The following CSMD3 variants were observed in gnomAD, a reference collection of about 807,000 sequenced individuals.
The protein encoded by CSMD3 is CUB and sushi domain-containing protein 3.
In CSMD3, 177 loss-of-function variants were observed where a neutral mutation model predicts 435.2. That is an observed-to-expected ratio of 0.41 (90% CI 0.36 to 0.46). The LOEUF (loss-of-function observed/expected upper bound fraction) is 0.46, where lower values mean the gene tolerates loss of function less well. CSMD3 is among the 20% of genes least tolerant of loss of function. The pLI, the probability that CSMD3 is intolerant of heterozygous loss-of-function variation, is 0.34. For synonymous variants in CSMD3, 1,656 were observed against 1,520.5 expected, an observed-to-expected ratio of 1.09 and a Z score of -2.07; for missense variants, 4,265 against 4,504.6, an observed-to-expected ratio of 0.95 and a Z score of 1.52.
chr8:112,353,476 T>A (rs1205478763), intron 38 of CSMD3, among the ~76,000 whole-genome samples: 1 of 152,190 alleles, frequency 6.6e-6, no homozygotes, highest in Non-Finnish European at 1.5e-5. Flanking sequence ...ATTTTTCTGA[T>A]AAGGAGATAA....
intron 12 of CSMD3, among the ~76,000 whole-genome samples, chr8:112,811,361 G>A (rs2079222598): frequency 6.6e-6 from 1 of 151,754 alleles, no homozygotes; most frequent in Non-Finnish European, 1.5e-5. Flanking sequence ...AGTTGTAGAT[G>A]CTTTCTTTTT....
intron 37 of CSMD3, among the ~76,000 whole-genome samples, chr8:112,380,883 C>T (rs1235865358): frequency 6.6e-6 from 1 of 152,078 alleles, no homozygotes. Context: ...GAGATTATTA[C>T]TCTGTATTCT....
intron 2 of CSMD3, among the ~76,000 whole-genome samples, chr8:113,286,938 A>G (rs1488058564): frequency 6.6e-6 from 1 of 151,914 alleles, no homozygotes; most frequent in Non-Finnish European, 1.5e-5. Context: ...GTAAAGAATG[A>G]CTGATGAAGA....
chr8:113,019,268 C>T, intron 5 of CSMD3, 89 bp from the exon 6 acceptor site: 2 of 815,034 alleles, frequency 2.5e-6, no homozygotes, highest in South Asian at 2.7e-5. Flanking sequence ...AAATGTCCAA[C>T]TATATTCATG....
At chr8:113,015,986 G>T (rs1348080992) in intron 6 of CSMD3, among the ~76,000 whole-genome samples, 2 of 151,850 alleles carry the variant, frequency 1.3e-5, no homozygotes, top group Admixed American at 6.6e-5. Flanking sequence ...AATGGAACTT[G>T]AATGGAGGAA....
At chr8:113,197,892 G>T (rs2092676725) in intron 3 of CSMD3, among the ~76,000 whole-genome samples, 2 of 151,142 alleles carry the variant, frequency 1.3e-5, no homozygotes, top group African/African-American at 4.8e-5. Context: ...TAAATGGAGA[G>T]AATGTTTTAT....
At chr8:112,590,995 TA>T (rs1359203777) in intron 22 of CSMD3, among the ~76,000 whole-genome samples, 1 of 152,028 alleles carries the variant, frequency 6.6e-6, no homozygotes, top group African/African-American at 2.4e-5. Flanking sequence ...TAATTTGAAC[TA>T]GGGGGTGGTG....
At chr8:112,425,689 A>AT (rs1812990499) in intron 32 of CSMD3, among the ~76,000 whole-genome samples, 1 of 152,164 alleles carries the variant, frequency 6.6e-6, no homozygotes, top group Non-Finnish European at 1.5e-5. Context: ...AGATTAGATA[A>AT]TTTTTTAACA....
intron 12 of CSMD3, among the ~76,000 whole-genome samples, chr8:112,802,455 T>C (rs757736305): frequency 2.0e-5 from 3 of 152,080 alleles, no homozygotes; most frequent in Non-Finnish European, 4.4e-5. Flanking sequence ...TTTTTTGTTT[T>C]GATGAAGGCA....
chr8:112,488,216 T>C (rs935927007), intron 31 of CSMD3, among the ~76,000 whole-genome samples: 1 of 152,204 alleles, frequency 6.6e-6, no homozygotes, highest in Admixed American at 6.5e-5. Flanking sequence ...TAAATCATGG[T>C]AAAAATCTAT....
intron 30 of CSMD3, among the ~76,000 whole-genome samples, chr8:112,494,421 TTC>T (rs748690093): frequency 2.6e-4 from 40 of 151,562 alleles, no homozygotes; most frequent in Non-Finnish European, 4.7e-4. Flanking sequence ...TTTTCTTTCT[TTC>T]TCTCTTTCTT....
chr8:112,551,958 T>G (rs192841955), intron 26 of CSMD3, among the ~76,000 whole-genome samples: 234 of 152,178 alleles, frequency 1.5e-3, no homozygotes, highest in African/African-American at 5.2e-3. Context: ...TGTGATAGCT[T>G]TGGAAGTCAG....
intron 52 of CSMD3, among the ~76,000 whole-genome samples, chr8:112,303,533 A>T (rs1165779602): frequency 6.6e-6 from 1 of 152,074 alleles, no homozygotes; most frequent in Non-Finnish European, 1.5e-5. Context: ...CCAGCCTGGC[A>T]GACAGAGCAA....
intron 35 of CSMD3, among the ~76,000 whole-genome samples, chr8:112,392,563 A>G (rs756185509): frequency 1.1e-4 from 16 of 152,066 alleles, no homozygotes; most frequent in Non-Finnish European, 2.4e-4. Context: ...AATAGAACAA[A>G]AACGTAATTG....
chr8:112,557,560 T>G (rs1828234050), intron 24 of CSMD3, among the ~76,000 whole-genome samples: 1 of 151,950 alleles, frequency 6.6e-6, no homozygotes, highest in Non-Finnish European at 1.5e-5. Flanking sequence ...TTGAGTCAAT[T>G]ACTGAGGAGC....
At chr8:113,309,181 G>C (rs912395750) in intron 2 of CSMD3, 2 of 151,796 alleles carry the variant, frequency 1.3e-5, no homozygotes, top group Non-Finnish European at 2.9e-5. Flanking sequence ...AAACTCCCGA[G>C]CTCCAGCCAT....
At chr8:112,992,150 A>G (rs931117689) in intron 6 of CSMD3, among the ~76,000 whole-genome samples, 2 of 151,860 alleles carry the variant, frequency 1.3e-5, no homozygotes, top group African/African-American at 2.4e-5. Flanking sequence ...ATTATATAAT[A>G]CATGTATTTT....
intron 5 of CSMD3, among the ~76,000 whole-genome samples, chr8:113,071,154 A>T (rs991391123): frequency 4.6e-5 from 7 of 151,124 alleles, no homozygotes; most frequent in South Asian, 2.1e-4. Context: ...TTGCCCATTT[A>T]AAAAAAAATC....
intron 5 of CSMD3, among the ~76,000 whole-genome samples, chr8:113,040,048 A>G (rs1196252748): frequency 1.3e-5 from 2 of 152,168 alleles, no homozygotes; most frequent in African/African-American, 4.8e-5. Flanking sequence ...GATAAGCTCT[A>G]CAAATGAAAC....
Sources: allele counts gnomAD v4.1 joint callset (sites outside exome capture counted in the v4.1 genomes callset), GRCh38; gene constraint gnomAD v4.1.1; transcripts MANE v1.5; gene names NCBI Gene and HGNC (gene_info 2026-07-23, HGNC 2026-07-21).